Variants in MRPL19 observed in about 807,000 individuals in gnomAD.
MRPL19 encodes the protein large ribosomal subunit protein bL19m.
In MRPL19, 31 loss-of-function variants were observed where a neutral mutation model predicts 34.0. The observed-to-expected ratio is 0.91, with a 90% CI of 0.68 to 1.23. MRPL19 has a LOEUF of 1.23. MRPL19 is among the 50% of genes most tolerant of loss of function. The probability of loss-of-function intolerance (pLI) is 0.00; values close to 1 mark genes in which losing one functional copy is unlikely to be tolerated. For missense variants in MRPL19, 384 were observed against 367.6 expected, an observed-to-expected ratio of 1.04 and a Z score of -0.37; for synonymous variants, 152 against 127.7, an observed-to-expected ratio of 1.19 and a Z score of -1.28.
chr2:75,661,249 T>G lies in MRPL19; in HGVS notation c.*5964T>G, dbSNP rs1678609914. 6.6e-6 allele frequency: 1 copy of G among 152,196 alleles called. No individual in the cohort carries two copies. The highest frequency in any genetic ancestry group is 2.1e-4 in the South Asian group (1 of 4,832). 9.4% of individuals were successfully genotyped at this position (152,196 alleles called of 1,614,324 possible). On this transcript the variant is annotated 3_prime_UTR_variant, in exon 6 of 6. Coordinates refer to ENST00000393909, the MANE Select transcript of MRPL19 (RefSeq NM_014763.4). ...AAAGTTGCCTGTTCTTGACTCAGCA[T>G]TTGCTTCATTGCTATAAACTTTTTA...
intron 3 of MRPL19, 92 bp downstream of exon 3, chr2:75,652,352 G>A: frequency 7.6e-7 from 1 of 1,311,374 alleles, no homozygotes; most frequent in Non-Finnish European, 1.1e-6. Context: ...AAAGAAGATT[G>A]TTTTTTACAT....
rs1678514752 is a variant in MRPL19, at chr2:75,658,422, G to T, written c.*3137G>T. ...CATCTTCTGATGAACACTGGGATAT[G>T]TCTACCTTTTGGCTATTGTGAATAA... is the stretch of plus-strand genomic sequence containing the variant. On this transcript the variant is annotated 3_prime_UTR_variant, in exon 6 of 6. Coordinates refer to ENST00000393909, the MANE Select transcript of MRPL19 (RefSeq NM_014763.4). Among the ~76,000 whole-genome samples, 1 of 152,118 alleles carries T rather than the reference G, an allele frequency of 6.6e-6. No homozygotes were observed. The highest frequency in any genetic ancestry group is 1.9e-4 in the East Asian group (1 of 5,196).
chr2:75,652,187 T>C lies in MRPL19; in HGVS notation c.267T>C (p.Pro89=). 6.2e-7 allele frequency: 1 copy of C among 1,606,198 alleles called. No individual in the cohort carries two copies. Among genetic ancestry groups the C allele is most frequent in the Non-Finnish European group, 8.5e-7 (1 of 1,175,774 alleles). Residue 89 remains proline, a synonymous_variant, in exon 3 of 6, where the codon CCT becomes CCC. Transcript: ENST00000393909. ...EFIPRRGRTD[P]LKFQIERKDM... ...TTCCTCGAAGGGGAAGAACAGATCC[T>C]CTGAAATTTCAAATAGAAAGAAAAG...
At position 75,653,577 on chromosome 2, in the gene MRPL19, G is replaced by A. The variant is rs142167600; in HGVS notation, c.475+920G>A. Among the ~76,000 whole-genome samples the A allele has an allele frequency of 6.6e-5, 10 of 152,296 alleles. No homozygotes were observed. The East Asian group carries it at 1.9e-3, about 29-fold the overall frequency. On this transcript the variant is annotated intron_variant, in intron 4 of 5. Transcript: ENST00000393909. ...GCCATTCTCTGTAGTATGTCTGACT[G>A]TTGTAACCTGCCTCAACCTTCCCCA...
Position 75,657,460 on chromosome 2 carries a change from A to G in MRPL19, c.*2175A>G, listed in dbSNP as rs1260316872. 6.6e-6 allele frequency: 1 copy of G among 152,188 alleles called. No individual in the cohort carries two copies. Among genetic ancestry groups the G allele is most frequent in the Non-Finnish European group, 1.5e-5 (1 of 68,014 alleles). The allele number at this position is 152,188 out of a possible 1,614,324, so 9.4% of individuals were successfully genotyped here. A position where few individuals can be genotyped will look rare whatever the true frequency, so the allele number is the denominator to read the frequency against. The stretch of plus-strand genomic sequence containing the variant: ...CTTTTTCACTAATGATTATATAGTC[A>G]TCTAACTACTGTCAACAAGTAATAG... On this transcript the variant is annotated 3_prime_UTR_variant, in exon 6 of 6. Transcript: ENST00000393909.
chr2:75,654,690 G>A, intron 4 of MRPL19, 46 bp from the exon 5 acceptor site: 1 of 1,573,196 alleles, frequency 6.4e-7, no homozygotes, highest in South Asian at 1.1e-5. Flanking sequence ...AACATGTATA[G>A]GAACGTGGAC....
rs540274787 is a variant in MRPL19, at chr2:75,659,330, T to C, written c.*4045T>C. Among the ~76,000 whole-genome samples, 2 of 152,312 alleles carry C rather than the reference T, an allele frequency of 1.3e-5. No homozygotes were observed. Among genetic ancestry groups the C allele is most frequent in the Admixed American group, 1.3e-4 (2 of 15,294 alleles). On this transcript the variant is annotated 3_prime_UTR_variant, in exon 6 of 6. Transcript: ENST00000393909. ...CCCCTTATGTTATTGATGGCACAAA[T>C]TGCCTAATAAATAATTTATAGTTAT...
chr2:75,652,798 A>G, intron 4 of MRPL19, 141 bp downstream of exon 4: 1 of 875,954 alleles, frequency 1.1e-6, no homozygotes, highest in Non-Finnish European at 1.7e-6. Context: ...GTGGCTTTAG[A>G]ATGGATTGAG....
chr2:75,646,947 G>C (rs1468127137), intron 1 of MRPL19, 37 bp downstream of exon 1: 1 of 1,530,482 alleles, frequency 6.5e-7, no homozygotes, highest in Non-Finnish European at 8.8e-7. Context: ...GGGCGCGTTA[G>C]GGGCCCAGGG....
chr2:75,651,611 A>G lies in MRPL19; in HGVS notation c.222-531A>G, dbSNP rs373204276. ...CTGCAGATGCCCCAGGTCCTTCAGC[A>G]CCATCTCCAGGGCCATCTTCTCTGA... On this transcript the variant is annotated intron_variant, in intron 2 of 5. Coordinates refer to ENST00000393909, the MANE Select transcript of MRPL19 (RefSeq NM_014763.4). The G allele has an allele frequency of 2.3e-5, 9 of 383,784 alleles. No homozygotes were observed. The East Asian group carries it at 2.8e-4, about 12-fold the overall frequency. 23.8% of individuals were successfully genotyped at this position (383,784 alleles called of 1,614,324 possible).
rs762286179 is a variant in MRPL19, at chr2:75,647,234, T to G, written c.221+15T>G. 1.3e-6 allele frequency: 2 copies of G among 1,567,576 alleles called. No homozygotes were observed. Among genetic ancestry groups the G allele is most frequent in the South Asian group, 2.4e-5 (2 of 84,770 alleles). The stretch of plus-strand genomic sequence containing the variant: ...CCGGAACGCAGGTGAGGCACTGCCC[T>G]GGCGCTAGGCCGGCAACTGGGGTCG... On this transcript the variant is annotated intron_variant, in intron 2 of 5. Coordinates refer to ENST00000393909, the MANE Select transcript of MRPL19 (RefSeq NM_014763.4).
intron 2 of MRPL19, among the ~76,000 whole-genome samples, chr2:75,650,132 A>G (rs1295359643): frequency 6.6e-6 from 1 of 152,182 alleles, no homozygotes; most frequent in Non-Finnish European, 1.5e-5. Context: ...TTAGGATAGT[A>G]ATGAACTATC....
intron 4 of MRPL19, among the ~76,000 whole-genome samples, chr2:75,653,716 TTGCAACTATC>T (rs551780503): frequency 9.2e-5 from 14 of 152,344 alleles, no homozygotes; most frequent in South Asian, 2.1e-4. Context: ...AGTTCCAGAT[TTGCAACTATC>T]TGCAACTATC....
intron 1 of MRPL19, 42 bp downstream of exon 1, chr2:75,646,952 C>T: frequency 6.6e-7 from 1 of 1,526,684 alleles, no homozygotes; most frequent in Non-Finnish European, 8.8e-7. Context: ...CGTTAGGGGC[C>T]CAGGGTCAGG....
In MRPL19 at chr2:75,652,526, G is replaced by T. The variant is rs1481011789; in HGVS notation, c.344G>T (p.Ser115Ile). 2 of 1,610,210 alleles carry T rather than the reference G, an allele frequency of 1.2e-6. No homozygotes were observed. The highest frequency in any genetic ancestry group is 2.2e-5 in the East Asian group (1 of 44,798). ...CACTTCTCTTTTGAATTTGTAGGAA[G>T]TATTCTTCGTGTTACTACAGCTGAC... The part of the protein sequence containing the change: ...VLHIPEFYVG[S>I]ILRVTTADPY... Residue 115 changes from serine to isoleucine, a missense_variant, in exon 4 of 6, where the codon AGT (serine) becomes ATT (isoleucine). Transcript: ENST00000393909.
In MRPL19 at chr2:75,651,670, T is replaced by C. The variant is rs1007191272; in HGVS notation, c.222-472T>C. 11 of 330,730 alleles carry C rather than the reference T, an allele frequency of 3.3e-5. No individual in the cohort carries two copies. In the Admixed American group the frequency reaches 4.3e-4, roughly 13 times the overall value. 20.5% of individuals were successfully genotyped at this position (330,730 alleles called of 1,614,324 possible). A position where few individuals can be genotyped will look rare whatever the true frequency, so the allele number is the denominator to read the frequency against. On this transcript the variant is annotated intron_variant, in intron 2 of 5. Transcript: ENST00000393909. ...ATCATTTTAAAAGTCAATTTATAAT[T>C]AGTGATTTATATGTTGATGTCTTTT...
chr2:75,648,945 A>G (rs559884725), intron 2 of MRPL19, among the ~76,000 whole-genome samples: 38 of 152,322 alleles, frequency 2.5e-4, no homozygotes, highest in African/African-American at 8.4e-4. Flanking sequence ...GTAAAAAGAA[A>G]TGTAAGGGGG....
rs887486690 is a variant in MRPL19, at chr2:75,660,807, C to G, written c.*5522C>G. 2.6e-5 allele frequency: 4 copies of G among 152,218 alleles called. No homozygotes were observed. Among genetic ancestry groups the G allele is most frequent in the African/African-American group, 9.7e-5 (4 of 41,444 alleles). 9.4% of individuals were successfully genotyped at this position (152,218 alleles called of 1,614,324 possible). A position where few individuals can be genotyped will look rare whatever the true frequency, so the allele number is the denominator to read the frequency against. On this transcript the variant is annotated 3_prime_UTR_variant, in exon 6 of 6. Coordinates refer to ENST00000393909, the MANE Select transcript of MRPL19 (RefSeq NM_014763.4). Reference sequence around the variant, plus strand: ...AGCGTAGGGTCTTTGCAGATCTTGTCTGAGCATGCTTCTTGCTGTGTATGC... The same window carrying G: ...AGCGTAGGGTCTTTGCAGATCTTGTGTGAGCATGCTTCTTGCTGTGTATGC...
chr2:75,652,975 T>C (rs1017757555), intron 4 of MRPL19, among the ~76,000 whole-genome samples: 3 of 152,186 alleles, frequency 2.0e-5, no homozygotes, highest in African/African-American at 7.2e-5. Flanking sequence ...TAGGAGCAAA[T>C]AACCCATGAG....
Sources: gnomAD v4.1 joint callset for allele counts (sites outside exome capture counted in the v4.1 genomes callset) on GRCh38, gnomAD v4.1.1 for gene constraint, MANE v1.5 for transcripts, NCBI Gene and HGNC (gene_info 2026-07-23, HGNC 2026-07-21) for gene names.